The following DCPS variants were observed in gnomAD, a reference collection of about 807,000 sequenced individuals.
DCPS encodes m7GpppX diphosphatase.
Under a neutral mutation model 34.7 loss-of-function variants are expected in DCPS, and 27 were observed. The ratio of observed to expected loss-of-function variants is 0.78; its 90% CI spans 0.57 to 1.07. The LOEUF (loss-of-function observed/expected upper bound fraction) is 1.07, where lower values mean the gene tolerates loss of function less well. Among genes scored for constraint, DCPS ranks in the 50% least tolerant of loss-of-function variants. DCPS has a pLI of 0.00. For synonymous variants in DCPS, 185 were observed against 185.7 expected (o/e 1.00, Z 0.03); for missense variants, 464 against 436.9 (o/e 1.06, Z -0.55).
At chr11:126,306,859 AG>A in intron 2 of DCPS, 115 bp downstream of exon 2, 12 of 1,236,126 alleles carry the variant, frequency 9.7e-6, no homozygotes, top group Non-Finnish European at 1.2e-5. Context: ...TACAATAGGG[AG>A]ATTACTTCCC....
chr11:126,327,789 A>C lies in DCPS; in HGVS notation c.377-3616A>C, dbSNP rs945531452. ...GATTCATTGATTCATTTGTTCACTAAGTATTTACTGAGTGCTTACTGTATG... is the reference window on the plus strand; with the variant it reads ...GATTCATTGATTCATTTGTTCACTACGTATTTACTGAGTGCTTACTGTATG... On this transcript the variant is annotated intron_variant, in intron 2 of 5. Coordinates refer to ENST00000263579, the MANE Select transcript of DCPS (RefSeq NM_014026.6). This position sits in a 1 kb window ranked among gnomAD's most constrained non-coding sequence, Gnocchi z 4.1. 5.9e-5 allele frequency among the ~76,000 whole-genome samples: 9 copies of C among 152,346 alleles called. No individual in the cohort carries two copies. Among genetic ancestry groups the C allele is most frequent in the African/African-American group, 2.2e-4 (9 of 41,592 alleles).
rs1183649451 is a variant in DCPS at position 126,346,122 on chromosome 11, G to A, written c.*509G>A. ...TGGCACTTCCTCCTTCCAGCAGTGA[G>A]GTCACACCTCCCTGTGAGTCAGTCA... On this transcript the variant is annotated 3_prime_UTR_variant, in exon 6 of 6. Transcript: ENST00000263579. The surrounding 1 kb of genome is among the most constrained non-coding windows in gnomAD (Gnocchi z 4.1). Among the ~76,000 whole-genome samples the A allele has an allele frequency of 6.6e-6, 1 of 152,176 alleles. No homozygotes were observed. Among genetic ancestry groups the A allele is most frequent in the East Asian group, 1.9e-4 (1 of 5,198 alleles).
Position 126,327,804 on chromosome 11 carries a change from C to A in DCPS, c.377-3601C>A, listed in dbSNP as rs1387567792. On this transcript the variant is annotated intron_variant, in intron 2 of 5. Transcript: ENST00000263579. The surrounding 1 kb of genome is among the most constrained non-coding windows in gnomAD (Gnocchi z 4.1). ...TTGTTCACTAAGTATTTACTGAGTGCTTACTGTATGCCAGGCACTATTCCA... is the reference window on the plus strand; with the variant it reads ...TTGTTCACTAAGTATTTACTGAGTGATTACTGTATGCCAGGCACTATTCCA... Among the ~76,000 whole-genome samples the A allele has an allele frequency of 4.6e-5, 7 of 152,232 alleles. 1 individual carries two copies. The highest frequency in any genetic ancestry group is 1.7e-4 in the African/African-American group (7 of 41,460).
chr11:126,334,489 G>A lies in DCPS; in HGVS notation c.522+2939G>A, dbSNP rs900972977. On this transcript the variant is annotated intron_variant, in intron 3 of 5. Transcript: ENST00000263579. This position sits in a 1 kb window ranked among gnomAD's most constrained non-coding sequence, Gnocchi z 5.5. The stretch of plus-strand genomic sequence containing the variant: ...CTCCCAAGTAGCTGGGATTACAGGC[G>A]CCCGCCACTATGCTGGGCTAATTTT... Among the ~76,000 whole-genome samples, 52 of 151,924 alleles carry A rather than the reference G, an allele frequency of 3.4e-4. No homozygotes were observed. The highest frequency in any genetic ancestry group is 1.1e-3 in the African/African-American group (45 of 41,464).
chr11:126,310,011 A>C (rs1451331904), intron 2 of DCPS, among the ~76,000 whole-genome samples: 1 of 152,150 alleles, frequency 6.6e-6, no homozygotes, highest in African/African-American at 2.4e-5. Context: ...ATAGTTTGTT[A>C]ACCTCTGTTC....
intron 2 of DCPS, 121 bp downstream of exon 2, chr11:126,306,865 C>A: frequency 1.2e-5 from 14 of 1,174,030 alleles, no homozygotes; most frequent in South Asian, 1.9e-5. Flanking sequence ...AGGGAGATTA[C>A]TTCCCTAGGG....
At chr11:126,339,183 G>T (rs887477294) in intron 4 of DCPS, among the ~76,000 whole-genome samples, 1 of 152,236 alleles carries the variant, frequency 6.6e-6, no homozygotes, top group Non-Finnish European at 1.5e-5. Context: ...GCCTGCAACA[G>T]AAGAAGGGCC....
At chr11:126,314,745 A>C (rs1951645479) in intron 2 of DCPS, among the ~76,000 whole-genome samples, 1 of 152,178 alleles carries the variant, frequency 6.6e-6, no homozygotes, top group Non-Finnish European at 1.5e-5. Context: ...CAGTAATGGA[A>C]AACCAAACAT....
intron 2 of DCPS, among the ~76,000 whole-genome samples, chr11:126,311,549 C>T (rs1352379591): frequency 6.6e-6 from 1 of 152,176 alleles, no homozygotes; most frequent in Non-Finnish European, 1.5e-5. Context: ...GGGCTCTCTG[C>T]AGTGGAGCTG....
rs747627290 is a variant in DCPS at position 126,328,771 on chromosome 11, C to G, written c.377-2634C>G. Among the ~76,000 whole-genome samples, 1 of 152,220 alleles carries G rather than the reference C, an allele frequency of 6.6e-6. No individual in the cohort carries two copies. The highest frequency in any genetic ancestry group is 2.4e-5 in the African/African-American group (1 of 41,454). On this transcript the variant is annotated intron_variant, in intron 2 of 5. Coordinates refer to ENST00000263579, the MANE Select transcript of DCPS (RefSeq NM_014026.6). The surrounding 1 kb of genome is among the most constrained non-coding windows in gnomAD (Gnocchi z 6.6). ...GAGCTCCACTGCCCAACCCAGGCAA[C>G]GGAGGCAACAGCGGAGAGAATCCAA...
rs1389632836 is a variant in DCPS, at chr11:126,332,361, G to C, written c.522+811G>C. On this transcript the variant is annotated intron_variant, in intron 3 of 5. Transcript: ENST00000263579. This position sits in a 1 kb window ranked among gnomAD's most constrained non-coding sequence, Gnocchi z 5.4. ...CCTCTGCCTGGAACTGGCCCCATGT[G>C]AGTACTCAGAGTTAAATATGACTGA... is the stretch of plus-strand genomic sequence containing the variant. Among the ~76,000 whole-genome samples, 1 of 152,212 alleles carries C rather than the reference G, an allele frequency of 6.6e-6. No individual in the cohort carries two copies. Among genetic ancestry groups the C allele is most frequent in the African/African-American group, 2.4e-5 (1 of 41,466 alleles).
chr11:126,340,249 C>T (rs573959232), intron 4 of DCPS, among the ~76,000 whole-genome samples: 3 of 152,268 alleles, frequency 2.0e-5, no homozygotes, highest in Admixed American at 2.0e-4. Context: ...CCTCAAGGGT[C>T]ATGAAAGGGC....
Position 126,349,174 on chromosome 11 carries a change from C to A in DCPS, c.*3561C>A, listed in dbSNP as rs1018935438. Among the ~76,000 whole-genome samples the A allele has an allele frequency of 2.0e-5, 3 of 152,216 alleles. No individual in the cohort carries two copies. The highest frequency in any genetic ancestry group is 4.4e-5 in the Non-Finnish European group (3 of 68,046). The stretch of plus-strand genomic sequence containing the variant: ...ACATCCTTCTGTCCTGAGCAAGCCA[C>A]AAGCTGCAGCCCTGCCTTGACAAAA... On this transcript the variant is annotated 3_prime_UTR_variant, in exon 6 of 6. Coordinates refer to ENST00000263579, the MANE Select transcript of DCPS (RefSeq NM_014026.6). The surrounding 1 kb of genome is among the most constrained non-coding windows in gnomAD (Gnocchi z 5.4).
intron 2 of DCPS, among the ~76,000 whole-genome samples, chr11:126,311,067 C>G (rs938691869): frequency 5.3e-5 from 8 of 152,178 alleles, no homozygotes; most frequent in African/African-American, 1.9e-4. Flanking sequence ...ATTCGTTTAT[C>G]CCCTCCACGT....
rs1157059919 is a variant in DCPS at position 126,336,935 on chromosome 11, G to A, written c.523-1351G>A. On this transcript the variant is annotated intron_variant, in intron 3 of 5. Transcript: ENST00000263579. The surrounding 1 kb of genome is among the most constrained non-coding windows in gnomAD (Gnocchi z 6.3). Reference sequence around the variant, plus strand: ...CCTCTGAGCTGAAATGCTTCCTGTGGGTAGAGAGTTGCAGGAGACCTCGAG... The same window carrying A: ...CCTCTGAGCTGAAATGCTTCCTGTGAGTAGAGAGTTGCAGGAGACCTCGAG... The A allele has an allele frequency of 6.6e-6, 1 of 152,406 alleles. No homozygotes were observed. Among genetic ancestry groups the A allele is most frequent in the Non-Finnish European group, 1.5e-5 (1 of 68,244 alleles). 9.4% of individuals were successfully genotyped at this position (152,406 alleles called of 1,614,324 possible). A position where few individuals can be genotyped will look rare whatever the true frequency, so the allele number is the denominator to read the frequency against.
rs1565374697 is a variant in DCPS, at chr11:126,323,594, G to T, written c.377-7811G>T. ...TCAGTCACCCAGGCTGGAGCGCAGT[G>T]GCACGATCACAGCTCACTGCAGCCT... On this transcript the variant is annotated intron_variant, in intron 2 of 5. Coordinates refer to ENST00000263579, the MANE Select transcript of DCPS (RefSeq NM_014026.6). This position sits in a 1 kb window ranked among gnomAD's most constrained non-coding sequence, Gnocchi z 4.4. Among the ~76,000 whole-genome samples, 1 of 151,596 alleles carries T rather than the reference G, an allele frequency of 6.6e-6. No homozygotes were observed. The highest frequency in any genetic ancestry group is 2.4e-5 in the African/African-American group (1 of 41,204).
rs1215149955 is a variant in DCPS at position 126,330,877 on chromosome 11, C to T, written c.377-528C>T. Among the ~76,000 whole-genome samples, 4 of 151,386 alleles carry T rather than the reference C, an allele frequency of 2.6e-5. No individual in the cohort carries two copies. The East Asian group carries it at 7.8e-4, about 29-fold the overall frequency. On this transcript the variant is annotated intron_variant, in intron 2 of 5. Coordinates refer to ENST00000263579, the MANE Select transcript of DCPS (RefSeq NM_014026.6). ...TCAGCCTCCTGAGTAGCTGGGATTA[C>T]AGGCATGCGCCACCACGCCCGGTTA... is the stretch of plus-strand genomic sequence containing the variant.
chr11:126,343,513 A>G, intron 5 of DCPS, 96 bp downstream of exon 5: 5 of 1,044,508 alleles, frequency 4.8e-6, no homozygotes, highest in Non-Finnish European at 7.2e-6. Flanking sequence ...CCCAGAGTCC[A>G]TCTTGGAGAG....
At chr11:126,339,181 CAGA>C (rs1951857934) in intron 4 of DCPS, among the ~76,000 whole-genome samples, 1 of 152,230 alleles carries the variant, frequency 6.6e-6, no homozygotes, top group Non-Finnish European at 1.5e-5. Flanking sequence ...CAGCCTGCAA[CAGA>C]AGAAGGGCCT....
Sources: allele counts gnomAD v4.1 joint callset (sites outside exome capture counted in the v4.1 genomes callset), GRCh38; gene constraint gnomAD v4.1.1; non-coding constraint Gnocchi (gnomAD v3.1); transcripts MANE v1.5; gene names NCBI Gene and HGNC (gene_info 2026-07-23, HGNC 2026-07-21).